The following ACP5 variants were observed in gnomAD, a reference collection of about 807,000 sequenced individuals.
The protein encoded by ACP5 is acid phosphatase 5, tartrate resistant.
A neutral mutation model predicts 28.7 loss-of-function variants in ACP5; 24 were observed. The observed-to-expected ratio is 0.84, with a 90% CI of 0.61 to 1.18. ACP5 has a LOEUF of 1.18. Among genes scored for constraint, ACP5 ranks in the 50% most tolerant of loss-of-function variants. The pLI is 0.00. For missense variants in ACP5, 354 were observed against 422.2 expected (o/e 0.84, Z 1.42); for synonymous variants, 154 against 181.4 (o/e 0.85, Z 1.21).
chr19:11,576,671 C>T, intron 3 of ACP5, 45 bp downstream of exon 3: 10 of 1,613,912 alleles, frequency 6.2e-6, no homozygotes, highest in Non-Finnish European at 8.5e-6. Context: ...CCCCTGTGTC[C>T]CTGCTATGTG....
rs1599637807 is a variant in ACP5 at position 11,577,397 on chromosome 19, A to G, written c.1-80T>C. ...CCTTGAGACCCCCGCCTGCCCTGAGATAGAGGGAGACTGCTTGCTGCAGGC... is the reference window on the plus strand; with the variant it reads ...CCTTGAGACCCCCGCCTGCCCTGAGGTAGAGGGAGACTGCTTGCTGCAGGC... On this transcript the variant is annotated intron_variant, in intron 1 of 4. Coordinates refer to ENST00000648477, the MANE Select transcript of ACP5 (RefSeq NM_001611.5). The surrounding 1 kb of genome is among the most constrained non-coding windows in gnomAD (Gnocchi z 5.7). The G allele has an allele frequency of 6.7e-7, 1 of 1,502,398 alleles. No homozygotes were observed. Among genetic ancestry groups the G allele is most frequent in the Non-Finnish European group, 9.1e-7 (1 of 1,099,136 alleles). 93.1% of individuals were successfully genotyped at this position (1,502,398 alleles called of 1,614,324 possible).
rs549955384 is a variant in ACP5 at position 11,575,223 on chromosome 19, G to A, written c.765C>T (p.Tyr255=). 23 of 1,613,716 alleles carry A rather than the reference G, an allele frequency of 1.4e-5. No homozygotes were observed. The highest frequency in any genetic ancestry group is 1.4e-5 in the Non-Finnish European group (17 of 1,180,038). Residue 255 remains tyrosine, a synonymous_variant, in exon 5 of 5, where the codon TAC becomes TAT. Transcript: ENST00000648477. The part of the protein sequence containing the change: ...QYLQDENGVG[Y]VLSGAGNFMD... The stretch of plus-strand genomic sequence containing the variant: ...TGAAATTCCCAGCCCCACTCAGCAC[G>A]TAGCCCACGCCATTCTCATCTTGCA...
chr19:11,576,159 A>T, intron 4 of ACP5, 84 bp downstream of exon 4: 1 of 1,204,380 alleles, frequency 8.3e-7, no homozygotes, highest in Admixed American at 2.0e-5. Context: ...ACCCTCAAAC[A>T]GCAGGAGGAC....
At chr19:11,575,823 C>T (rs1162174676) in intron 4 of ACP5, among the ~76,000 whole-genome samples, 1 of 148,308 alleles carries the variant, frequency 6.7e-6, no homozygotes, top group African/African-American at 2.5e-5. Context: ...TGCCACTGCA[C>T]TCCCTCTCAA....
intron 4 of ACP5, 85 bp from the exon 5 acceptor site, chr19:11,575,337 C>A: frequency 6.5e-7 from 1 of 1,549,194 alleles, no homozygotes; most frequent in South Asian, 1.1e-5. Context: ...TGGCCCTAAC[C>A]ACAGAGTCAC....
Position 11,574,756 on chromosome 19 carries a change from C to T in ACP5, c.*254G>A, listed in dbSNP as rs527553761. 14 of 501,320 alleles carry T rather than the reference C, an allele frequency of 2.8e-5. No homozygotes were observed. The highest frequency in any genetic ancestry group is 7.4e-5 in the East Asian group (2 of 27,014). The allele number at this position is 501,320 out of a possible 1,614,324, so 31.1% of individuals were successfully genotyped here. A position where few individuals can be genotyped will look rare whatever the true frequency, so the allele number is the denominator to read the frequency against. On this transcript the variant is annotated 3_prime_UTR_variant, in exon 5 of 5. Coordinates refer to ENST00000648477, the MANE Select transcript of ACP5 (RefSeq NM_001611.5). ...CCTCCCTCCCTCCCCCATTGCACCC[C>T]GGAACTCAGCAAAGGTGAGCCAGCC...
At chr19:11,576,678 T>C (rs370365286) in intron 3 of ACP5, 38 bp downstream of exon 3, 4 of 1,613,842 alleles carry the variant, frequency 2.5e-6, no homozygotes, top group African/African-American at 1.3e-5. Flanking sequence ...GTCCCTGCTA[T>C]GTGAGGATCT....
At position 11,577,610 on chromosome 19, in the gene ACP5, C is replaced by G. The variant is rs1457578092; in HGVS notation, c.-18G>C. 1.9e-6 allele frequency: 1 copy of G among 526,422 alleles called. No individual in the cohort carries two copies. The highest frequency in any genetic ancestry group is 3.5e-6 in the Non-Finnish European group (1 of 289,636). The allele number at this position is 526,422 out of a possible 1,614,324, so 32.6% of individuals were successfully genotyped here. A position where few individuals can be genotyped will look rare whatever the true frequency, so the allele number is the denominator to read the frequency against. The stretch of plus-strand genomic sequence containing the variant: ...GCACTCACCCAGGGGGAGACACAGG[C>G]CAGTCACCGGAGGCTCTGAGAGGCT... On this transcript the variant is annotated 5_prime_UTR_variant, in exon 1 of 5. Transcript: ENST00000648477. The surrounding 1 kb of genome is among the most constrained non-coding windows in gnomAD (Gnocchi z 5.7).
At position 11,576,297 on chromosome 19, in the gene ACP5, C is replaced by G; in HGVS notation, c.681G>C (p.Leu227=). The change falls in exon 4 of 5, where the codon CTG becomes CTC. Residue 227 remains leucine, a synonymous_variant. Transcript: ENST00000648477. ...AGGCAGTGACCCCGTATGTGGCCAGCAGTGGCCGTAGCTGCTTGACCAGGC... is the reference window on the plus strand; with the variant it reads ...AGGCAGTGACCCCGTATGTGGCCAGGAGTGGCCGTAGCTGCTTGACCAGGC... ...THCLVKQLRP[L]LATYGVTAYL... 1 of 1,610,888 alleles carries G rather than the reference C, an allele frequency of 6.2e-7. No individual in the cohort carries two copies. Among genetic ancestry groups the G allele is most frequent in the Middle Eastern group, 1.8e-4 (1 of 5,662 alleles).
At chr19:11,575,582 G>A in intron 4 of ACP5, 1 of 364,852 alleles carries the variant, frequency 2.7e-6, no homozygotes, top group Non-Finnish European at 5.3e-6. Flanking sequence ...CAAGGGCCAG[G>A]TGCAGTGGCT....
At position 11,576,715 on chromosome 19, in the gene ACP5, C is replaced by G; in HGVS notation, c.389+1G>C. ...GGAAGGCAGGGCTGAGGGTGGCTCACCAGCGCTTGGAGATCTTAGAGTATG... is the reference window on the plus strand; with the variant it reads ...GGAAGGCAGGGCTGAGGGTGGCTCAGCAGCGCTTGGAGATCTTAGAGTATG... On this transcript the variant is annotated splice_donor_variant, in intron 3 of 4. Coordinates refer to ENST00000648477, the MANE Select transcript of ACP5 (RefSeq NM_001611.5). LOFTEE classifies it high-confidence loss of function. The G allele has an allele frequency of 6.2e-7, 1 of 1,613,956 alleles. No individual in the cohort carries two copies. Among genetic ancestry groups the G allele is most frequent in the Non-Finnish European group, 8.5e-7 (1 of 1,179,980 alleles).
intron 4 of ACP5, among the ~76,000 whole-genome samples, chr19:11,576,006 CAAA>C (rs3035420): frequency 2.5e-4 from 13 of 52,880 alleles, no homozygotes; most frequent in South Asian, 2.3e-3. Flanking sequence ...ACCTTGTCTC[CAAA>C]AAAAAAAAAA....
chr19:11,576,099 T>C, intron 4 of ACP5, 144 bp downstream of exon 4: 1 of 631,872 alleles, frequency 1.6e-6, no homozygotes, highest in African/African-American at 1.8e-5. Context: ...TTTTCCTGGT[T>C]AGACAGCAAG....
At position 11,577,426 on chromosome 19, in the gene ACP5, C is replaced by A; in HGVS notation, c.1-109G>T. The A allele has an allele frequency of 7.8e-7, 1 of 1,290,084 alleles. No homozygotes were observed. Among genetic ancestry groups the A allele is most frequent in the Non-Finnish European group, 1.1e-6 (1 of 913,494 alleles). 79.9% of individuals were successfully genotyped at this position (1,290,084 alleles called of 1,614,324 possible). A position where few individuals can be genotyped will look rare whatever the true frequency, so the allele number is the denominator to read the frequency against. Reference sequence around the variant, plus strand: ...AGGGAGACTGCTTGCTGCAGGCTGCCCCTGCGGGAACCCCTTGGTGCCCTA... The same window carrying A: ...AGGGAGACTGCTTGCTGCAGGCTGCACCTGCGGGAACCCCTTGGTGCCCTA... On this transcript the variant is annotated intron_variant, in intron 1 of 4. Transcript: ENST00000648477. The surrounding 1 kb of genome is among the most constrained non-coding windows in gnomAD (Gnocchi z 5.7).
rs1298659414 is a variant in ACP5, at chr19:11,576,973, C to T, written c.261+84G>A. On this transcript the variant is annotated intron_variant, in intron 2 of 4. Coordinates refer to ENST00000648477, the MANE Select transcript of ACP5 (RefSeq NM_001611.5). ...AGGTGCCCCATCACCTTCCCTCTGC[C>T]CTCACCAAAGGAAGGTCACTAGGTA... 3.7e-6 allele frequency: 6 copies of T among 1,607,206 alleles called. No individual in the cohort carries two copies. The African/African-American group carries it at 5.4e-5, about 14-fold the overall frequency.
Position 11,574,922 on chromosome 19 carries a change from G to A in ACP5, c.*88C>T, listed in dbSNP as rs1447001618. On this transcript the variant is annotated 3_prime_UTR_variant, in exon 5 of 5. Coordinates refer to ENST00000648477, the MANE Select transcript of ACP5 (RefSeq NM_001611.5). ...CCCTGCTGCAGCGCCACAGGTTGGA[G>A]GAAAAGCCTGCCTGTGAGCAGGGTC... 2 of 1,516,410 alleles carry A rather than the reference G, an allele frequency of 1.3e-6. No individual in the cohort carries two copies. The highest frequency in any genetic ancestry group is 2.7e-5 in the African/African-American group (2 of 72,960). The allele number at this position is 1,516,410 out of a possible 1,614,324, so 93.9% of individuals were successfully genotyped here. A position where few individuals can be genotyped will look rare whatever the true frequency, so the allele number is the denominator to read the frequency against.
At chr19:11,578,965 C>A (rs899775600), upstream of ACP5, 10 of 152,248 alleles carry the variant, frequency 6.6e-5, no homozygotes, top group Non-Finnish European at 1.5e-5. Flanking sequence ...GGGCTCAGGG[C>A]TGACCCAGGT....
At position 11,576,789 on chromosome 19, in the gene ACP5, C is replaced by T. The variant is rs148219285; in HGVS notation, c.316G>A (p.Val106Met). 570 of 1,614,086 alleles carry T rather than the reference C, an allele frequency of 3.5e-4. No individual in the cohort carries two copies. Among genetic ancestry groups the T allele is most frequent in the Non-Finnish European group, 4.2e-4 (499 of 1,180,012 alleles). Residue 106 changes from valine to methionine, a missense_variant, in exon 3 of 5, where the codon GTG becomes ATG. Val to Met is a conservative substitution (Grantham distance 21). Coordinates refer to ENST00000648477, the MANE Select transcript of ACP5 (RefSeq NM_001611.5). ...AGGTGGTCATGGTTTCCGGCTAGCA[C>T]GTACCAGGGCACTTTGCGAAGGGAG... ...DRSLRKVPWY[V>M]LAGNHDHLGN...
Position 11,575,008 on chromosome 19 carries a change from G to A in ACP5, c.*2C>T. ...GCCTCAGAGCTGGGCAGTCATGGGA[G>A]TTCAGGGCCTGGCTCGCCTCGGCAG... On this transcript the variant is annotated 3_prime_UTR_variant, in exon 5 of 5. Coordinates refer to ENST00000648477, the MANE Select transcript of ACP5 (RefSeq NM_001611.5). 6.2e-7 allele frequency: 1 copy of A among 1,614,172 alleles called. No homozygotes were observed. Among genetic ancestry groups the A allele is most frequent in the Middle Eastern group, 1.7e-4 (1 of 6,060 alleles).
Sources: gnomAD v4.1 joint callset for allele counts (sites outside exome capture counted in the v4.1 genomes callset) on GRCh38, gnomAD v4.1.1 for gene constraint, Gnocchi (gnomAD v3.1) non-coding constraint, MANE v1.5 for transcripts, NCBI Gene and HGNC (gene_info 2026-07-23, HGNC 2026-07-21) for gene names.